ROR2: variants seen among roughly 807,000 people sequenced by gnomAD.
ROR2 encodes ROR family WNT receptor 2.
Under a neutral mutation model 74.9 loss-of-function variants are expected in ROR2, and 33 were observed. The ratio of observed to expected loss-of-function variants is 0.44; its 90% CI spans 0.33 to 0.59. The LOEUF (loss-of-function observed/expected upper bound fraction) is 0.59. Among genes scored for constraint, ROR2 ranks in the 20% least tolerant of loss-of-function variants. The pLI is 0.02. For synonymous variants in ROR2, 586 were observed against 558.7 expected (o/e 1.05, Z -0.69); for missense variants, 1,216 against 1,313.8 (o/e 0.93, Z 1.15).
chr9:91,785,380 T>C (rs1207168067), intron 1 of ROR2, among the ~76,000 whole-genome samples: 2 of 152,242 alleles, frequency 1.3e-5, no homozygotes, highest in Non-Finnish European at 2.9e-5. Flanking sequence ...CTCAGACTGC[T>C]GTCTTCCTTG....
chr9:91,932,756 T>C (rs1177462510), intron 1 of ROR2, among the ~76,000 whole-genome samples: 1 of 152,022 alleles, frequency 6.6e-6, no homozygotes, highest in Non-Finnish European at 1.5e-5. Flanking sequence ...GTAGAGAAAG[T>C]GAACGCTTAT....
At chr9:91,815,434 T>C (rs1185673812) in intron 1 of ROR2, among the ~76,000 whole-genome samples, 2 of 151,978 alleles carry the variant, frequency 1.3e-5, no homozygotes, top group African/African-American at 4.8e-5. Flanking sequence ...GCAATTACAA[T>C]ACATGGGTCA....
chr9:91,802,451 T>C (rs1002325162), intron 1 of ROR2, among the ~76,000 whole-genome samples: 1 of 152,134 alleles, frequency 6.6e-6, no homozygotes, highest in Non-Finnish European at 1.5e-5. Context: ...TTGAGACCCC[T>C]GCCCAGTCTC....
intron 1 of ROR2, among the ~76,000 whole-genome samples, chr9:91,937,244 A>C (rs1252558926): frequency 6.6e-6 from 1 of 152,144 alleles, no homozygotes; most frequent in Non-Finnish European, 1.5e-5. Flanking sequence ...TTGGTCTGGC[A>C]GGAAGCAAAC....
chr9:91,733,547 TGCCCC>T lies in ROR2; in HGVS notation c.623-116_623-112del. The T allele has an allele frequency of 3.3e-6, 4 of 1,205,928 alleles. No individual in the cohort carries two copies. In the Admixed American group the frequency reaches 8.4e-5, roughly 25 times the overall value. The allele number at this position is 1,205,928 out of a possible 1,614,324, so 74.7% of individuals were successfully genotyped here. On this transcript the variant is annotated intron_variant, in intron 5 of 8. Coordinates refer to ENST00000375708, the MANE Select transcript of ROR2 (RefSeq NM_004560.4). This position sits in a 1 kb window ranked among gnomAD's most constrained non-coding sequence, Gnocchi z 5.7. ...CCAGACTGCCCACTCAGCCCCCTGA[TGCCCC>T]GCCCCGCCCCAGACTCCCCAACCCC...
At chr9:91,861,362 T>TA (rs1216727099) in intron 1 of ROR2, among the ~76,000 whole-genome samples, 4 of 152,206 alleles carry the variant, frequency 2.6e-5, no homozygotes, top group Non-Finnish European at 5.9e-5. Flanking sequence ...GGAGGACTCA[T>TA]AGACTTCTCA....
chr9:91,813,503 G>A (rs1040649312), intron 1 of ROR2, among the ~76,000 whole-genome samples: 1 of 152,226 alleles, frequency 6.6e-6, no homozygotes, highest in Admixed American at 6.5e-5. Context: ...AGGAGCCACA[G>A]AAACTGGCGA....
chr9:91,746,321 C>A lies in ROR2; in HGVS notation c.495-8803G>T, dbSNP rs548894154. Among the ~76,000 whole-genome samples the A allele has an allele frequency of 2.1e-3, 314 of 152,294 alleles. 1 individual carries two copies. The highest frequency in any genetic ancestry group is 7.3e-3 in the African/African-American group (302 of 41,560). On this transcript the variant is annotated intron_variant, in intron 4 of 8. Transcript: ENST00000375708. ...CCATCTCCTGACTTCAAGTGATCAG[C>A]CCGCCCTGGCCTCCCAAAGTGCTGG...
intron 1 of ROR2, among the ~76,000 whole-genome samples, chr9:91,800,845 C>A (rs1827351476): frequency 6.6e-6 from 1 of 152,204 alleles, no homozygotes; most frequent in African/African-American, 2.4e-5. Context: ...CAGCAAGGAG[C>A]CCTTCATGGG....
chr9:91,744,577 T>C (rs1418612612), intron 4 of ROR2, among the ~76,000 whole-genome samples: 2 of 152,268 alleles, frequency 1.3e-5, no homozygotes, highest in Admixed American at 6.5e-5. Context: ...TTAGACGCTG[T>C]ATATTACTCT....
chr9:91,866,657 G>A (rs1476254670), intron 1 of ROR2, among the ~76,000 whole-genome samples: 1 of 151,968 alleles, frequency 6.6e-6, no homozygotes, highest in Non-Finnish European at 1.5e-5. Context: ...CAGTAAGGGA[G>A]CCACCAGACA....
At chr9:91,878,969 G>C (rs1056406784) in intron 1 of ROR2, among the ~76,000 whole-genome samples, 2 of 152,066 alleles carry the variant, frequency 1.3e-5, no homozygotes, top group Non-Finnish European at 2.9e-5. Flanking sequence ...GTGAACCCGG[G>C]AGGCGGAGCT....
At chr9:91,739,646 A>G (rs1459815270) in intron 4 of ROR2, among the ~76,000 whole-genome samples, 1 of 152,254 alleles carries the variant, frequency 6.6e-6, no homozygotes, top group Non-Finnish European at 1.5e-5. Flanking sequence ...CTTCTGCAGA[A>G]AACCCTTTTC....
chr9:91,755,344 T>A (rs1281630091), intron 4 of ROR2, among the ~76,000 whole-genome samples: 1 of 152,200 alleles, frequency 6.6e-6, no homozygotes, highest in East Asian at 1.9e-4. Flanking sequence ...ATGCTATTGT[T>A]CAGAACATCT....
chr9:91,842,738 C>A (rs1200272496), intron 1 of ROR2, among the ~76,000 whole-genome samples: 1 of 152,232 alleles, frequency 6.6e-6, no homozygotes, highest in Non-Finnish European at 1.5e-5. Context: ...GCTCCTGCCA[C>A]CCCCCTCCTC....
At chr9:91,911,997 G>C (rs1587841507) in intron 1 of ROR2, among the ~76,000 whole-genome samples, 1 of 147,452 alleles carries the variant, frequency 6.8e-6, no homozygotes, top group Non-Finnish European at 1.5e-5. Flanking sequence ...ATTTATCGGA[G>C]GTACTCCTCC....
At chr9:91,726,394 G>GA (rs1003482484) in intron 8 of ROR2, 147 bp downstream of exon 8, 9,182 of 672,358 alleles carry the variant, frequency 0.014, 1 homozygote, top group Middle Eastern at 0.018. Flanking sequence ...CTAGTTTACA[G>GA]AAAAAAAAAA....
At chr9:91,933,875 G>C (rs1479413316) in intron 1 of ROR2, among the ~76,000 whole-genome samples, 1 of 152,182 alleles carries the variant, frequency 6.6e-6, no homozygotes, top group African/African-American at 2.4e-5. Context: ...ATGGTTAATG[G>C]GTAGAGGACT....
intron 1 of ROR2, among the ~76,000 whole-genome samples, chr9:91,868,307 G>GA (rs998424419): frequency 1.3e-5 from 2 of 151,698 alleles, no homozygotes; most frequent in Admixed American, 1.3e-4. Context: ...GAACAAAAGA[G>GA]AAAAAAATTG....
Sources: gnomAD v4.1 joint callset for allele counts (sites outside exome capture counted in the v4.1 genomes callset) on GRCh38, gnomAD v4.1.1 for gene constraint, Gnocchi (gnomAD v3.1) non-coding constraint, MANE v1.5 for transcripts, NCBI Gene and HGNC (gene_info 2026-07-23, HGNC 2026-07-21) for gene names.